TCF21: variants seen among roughly 807,000 people sequenced by gnomAD.
The protein encoded by TCF21 is capsulin.
A neutral mutation model predicts 13.5 loss-of-function variants in TCF21; 3 were observed. The observed-to-expected ratio is 0.22, with a 90% CI of 0.10 to 0.57. The LOEUF is 0.57. TCF21 is among the 20% of genes least tolerant of loss of function. TCF21 has a pLI of 0.92. For synonymous variants in TCF21, 92 were observed against 101.7 expected, an observed-to-expected ratio of 0.90 and a Z score of 0.57; for missense variants, 181 against 238.4, an observed-to-expected ratio of 0.76 and a Z score of 1.59.
Position 133,889,570 on chromosome 6 carries a change from AGAG to A in TCF21, c.179_181del (p.Arg60del). 6.3e-7 allele frequency: 1 copy of A among 1,583,858 alleles called. No homozygotes were observed. The highest frequency in any genetic ancestry group is 8.6e-7 in the Non-Finnish European group (1 of 1,166,726). ...CAGAAGGGCCGCGGCGGCCTGGGCAAGAGGAGGAAGGCGCCCACCAAGAAGAGC... is the reference window on the plus strand; with the variant it reads ...CAGAAGGGCCGCGGCGGCCTGGGCAAGAGGAAGGCGCCCACCAAGAAGAGC... On this transcript the variant is annotated inframe_deletion, in exon 1 of 2. Coordinates refer to ENST00000367882, the MANE Select transcript of TCF21 (RefSeq NM_003206.4). This position sits in a 1 kb window ranked among gnomAD's most constrained non-coding sequence, Gnocchi z 5.1.
intron 1 of TCF21, among the ~76,000 whole-genome samples, chr6:133,890,643 T>C (rs1775199700): frequency 1.3e-5 from 2 of 152,232 alleles, no homozygotes; most frequent in South Asian, 2.1e-4. Context: ...GTTTAAGAAA[T>C]ATATCTTAAT....
chr6:133,895,297 G>T (rs1203279616), downstream of TCF21: 1 of 152,184 alleles, frequency 6.6e-6, no homozygotes, highest in African/African-American at 2.4e-5. Context: ...TGTCATTGCT[G>T]CTGGTCCCAG....
At chr6:133,890,825 C>T (rs1234764100) in intron 1 of TCF21, among the ~76,000 whole-genome samples, 1 of 152,228 alleles carries the variant, frequency 6.6e-6, no homozygotes, top group Non-Finnish European at 1.5e-5. Context: ...ATTGTCTTCT[C>T]ACCGAATTGG....
At chr6:133,891,617 C>T in intron 1 of TCF21, 96 bp from the exon 2 acceptor site, 4 of 1,194,354 alleles carry the variant, frequency 3.3e-6, no homozygotes, top group Non-Finnish European at 3.6e-6. Context: ...GCACCGCCTG[C>T]CCCCACCGCC....
downstream of TCF21, chr6:133,894,943 C>A (rs578140622): frequency 1.3e-5 from 2 of 151,796 alleles, no homozygotes; most frequent in African/African-American, 2.4e-5. Context: ...TTCAAGTAAG[C>A]GAGTCTGCAA....
downstream of TCF21, chr6:133,892,272 A>T (rs1160673886): frequency 6.6e-6 from 1 of 152,282 alleles, no homozygotes; most frequent in Non-Finnish European, 1.5e-5. Context: ...TGATATTTGG[A>T]GTGATTTTTA....
intron 1 of TCF21, among the ~76,000 whole-genome samples, chr6:133,890,065 A>C (rs1426127476): frequency 6.6e-6 from 1 of 152,148 alleles, no homozygotes; most frequent in Non-Finnish European, 1.5e-5. Context: ...GGAGTGATTT[A>C]TGCGAGGGTT....
chr6:133,892,747 T>C (rs937693349), downstream of TCF21: 1 of 152,240 alleles, frequency 6.6e-6, no homozygotes, highest in Non-Finnish European at 1.5e-5. Flanking sequence ...GCATACATTA[T>C]CTACATTTCT....
Position 133,889,620 on chromosome 6 carries a change from G to A in TCF21, c.223G>A (p.Glu75Lys), listed in dbSNP as rs1373563575. Residue 75 changes from glutamate (E) to lysine (K), a missense_variant, in exon 1 of 2, where the codon GAG (glutamate) becomes AAG (lysine). Transcript: ENST00000367882. The surrounding 1 kb of genome is among the most constrained non-coding windows in gnomAD (Gnocchi z 5.1). ...GAGCCCCCTGAGCGGGGTCAGCCAG[G>A]AGGGGAAGCAGGTCCAGCGCAACGC... ...KKSPLSGVSQ[E>K]GKQVQRNAAN... The A allele has an allele frequency of 6.2e-7, 1 of 1,613,472 alleles. No homozygotes were observed. Among genetic ancestry groups the A allele is most frequent in the Non-Finnish European group, 8.5e-7 (1 of 1,179,912 alleles).
In TCF21 at chr6:133,891,815, G is replaced by T; in HGVS notation, c.*13G>T. 3.1e-6 allele frequency: 5 copies of T among 1,613,380 alleles called. No individual in the cohort carries two copies. The highest frequency in any genetic ancestry group is 4.2e-6 in the Non-Finnish European group (5 of 1,179,480). ...CACCGCGTCCTGACCTTGGAGGTGC[G>T]AGTCTGGGAAAGGCGCGCTCCCGGG... On this transcript the variant is annotated 3_prime_UTR_variant, in exon 2 of 2. Coordinates refer to ENST00000367882, the MANE Select transcript of TCF21 (RefSeq NM_003206.4).
rs760277190 is a variant in TCF21, at chr6:133,889,381, C to T, written c.-17C>T. On this transcript the variant is annotated 5_prime_UTR_variant, in exon 1 of 2. Coordinates refer to ENST00000367882, the MANE Select transcript of TCF21 (RefSeq NM_003206.4). This position sits in a 1 kb window ranked among gnomAD's most constrained non-coding sequence, Gnocchi z 5.1. ...TCTGTCTCTCTCTCTCTCTCTCCCT[C>T]GTCCACTCCCCCAAACATGTCCACC... The T allele has an allele frequency of 3.1e-6, 5 of 1,613,094 alleles. No homozygotes were observed. Among genetic ancestry groups the T allele is most frequent in the South Asian group, 1.1e-5 (1 of 91,056 alleles).
In TCF21 at chr6:133,891,850, C is replaced by G; in HGVS notation, c.*48C>G. On this transcript the variant is annotated 3_prime_UTR_variant, in exon 2 of 2. Transcript: ENST00000367882. ...AAGGCGCGCTCCCGGGGGGAGCGGG[C>G]CCCGGGAAGGCGACCCCTGCCCTCA... 6.2e-7 allele frequency: 1 copy of G among 1,602,990 alleles called. No homozygotes were observed. Among genetic ancestry groups the G allele is most frequent in the South Asian group, 1.1e-5 (1 of 90,544 alleles).
In TCF21 at chr6:133,889,382, G is replaced by A. The variant is rs1253853877; in HGVS notation, c.-16G>A. 2 of 1,593,288 alleles carry A rather than the reference G, an allele frequency of 1.3e-6. No individual in the cohort carries two copies. The highest frequency in any genetic ancestry group is 1.1e-5 in the South Asian group (1 of 90,682). ...CTGTCTCTCTCTCTCTCTCTCCCTC[G>A]TCCACTCCCCCAAACATGTCCACCG... On this transcript the variant is annotated 5_prime_UTR_variant, in exon 1 of 2. Transcript: ENST00000367882. This position sits in a 1 kb window ranked among gnomAD's most constrained non-coding sequence, Gnocchi z 5.1.
At chr6:133,890,997 C>T (rs1775207067) in intron 1 of TCF21, among the ~76,000 whole-genome samples, 1 of 152,224 alleles carries the variant, frequency 6.6e-6, no homozygotes, top group Non-Finnish European at 1.5e-5. Flanking sequence ...ACAACTGCTA[C>T]TCTCTTCATC....
Position 133,889,990 on chromosome 6 carries a change from C to G in TCF21, c.450+143C>G. ...CTCGACCACCGCGGGCCTAGAGCCT[C>G]CAGGGACCGGAGGCGGGCGGTCTAG... is the stretch of plus-strand genomic sequence containing the variant. On this transcript the variant is annotated intron_variant, in intron 1 of 1. Coordinates refer to ENST00000367882, the MANE Select transcript of TCF21 (RefSeq NM_003206.4). This position sits in a 1 kb window ranked among gnomAD's most constrained non-coding sequence, Gnocchi z 5.1. The G allele has an allele frequency of 1.1e-6, 1 of 911,496 alleles. No homozygotes were observed. Among genetic ancestry groups the G allele is most frequent in the Non-Finnish European group, 1.7e-6 (1 of 580,344 alleles). 56.5% of individuals were successfully genotyped at this position (911,496 alleles called of 1,614,324 possible).
chr6:133,894,045 T>C (rs1397194970), downstream of TCF21: 1 of 152,162 alleles, frequency 6.6e-6, no homozygotes. Context: ...TAAAATCCCT[T>C]GGTAAAGGAA....
chr6:133,891,933 G>A lies in TCF21; in HGVS notation c.*131G>A. On this transcript the variant is annotated 3_prime_UTR_variant, in exon 2 of 2. Transcript: ENST00000367882. Reference sequence around the variant, plus strand: ...CTCCTCTCTCTGTCCCACCCCGCGAGAACACTTTACAACGACGAGGAGATT... The same window carrying A: ...CTCCTCTCTCTGTCCCACCCCGCGAAAACACTTTACAACGACGAGGAGATT... 1.1e-6 allele frequency: 1 copy of A among 890,048 alleles called. No individual in the cohort carries two copies. The highest frequency in any genetic ancestry group is 1.7e-6 in the Non-Finnish European group (1 of 582,826). 55.1% of individuals were successfully genotyped at this position (890,048 alleles called of 1,614,324 possible). A position where few individuals can be genotyped will look rare whatever the true frequency, so the allele number is the denominator to read the frequency against.
chr6:133,889,956 C>G lies in TCF21; in HGVS notation c.450+109C>G, dbSNP rs774011848. 41 of 1,275,696 alleles carry G rather than the reference C, an allele frequency of 3.2e-5. No individual in the cohort carries two copies. The highest frequency in any genetic ancestry group is 4.3e-5 in the Non-Finnish European group (38 of 889,230). 79.0% of individuals were successfully genotyped at this position (1,275,696 alleles called of 1,614,324 possible). On this transcript the variant is annotated intron_variant, in intron 1 of 1. Coordinates refer to ENST00000367882, the MANE Select transcript of TCF21 (RefSeq NM_003206.4). This position sits in a 1 kb window ranked among gnomAD's most constrained non-coding sequence, Gnocchi z 5.1. ...AGTGGGGGTGTGGGCGCGGCGGTGA[C>G]TTACACATCTCGACCACCGCGGGCC...
downstream of TCF21, chr6:133,895,225 C>T (rs1463466132): frequency 6.6e-6 from 1 of 152,188 alleles, no homozygotes; most frequent in Non-Finnish European, 1.5e-5. Context: ...TTCAGAATCA[C>T]CTAGATGCCT....
Sources: gnomAD v4.1 joint callset for allele counts (sites outside exome capture counted in the v4.1 genomes callset) on GRCh38, gnomAD v4.1.1 for gene constraint, Gnocchi (gnomAD v3.1) non-coding constraint, MANE v1.5 for transcripts, NCBI Gene and HGNC (gene_info 2026-07-23, HGNC 2026-07-21) for gene names.